RASA3: variants seen among roughly 807,000 people sequenced by gnomAD.
RASA3 encodes the protein RAS p21 protein activator 3, also known as ras GTPase-activating protein 3.
In RASA3, 73 loss-of-function variants were observed where a neutral mutation model predicts 110.0. The observed-to-expected ratio is 0.66, with a 90% CI of 0.55 to 0.81. The LOEUF (loss-of-function observed/expected upper bound fraction) is 0.81. Among genes scored for constraint, RASA3 ranks in the 30% least tolerant of loss-of-function variants. The pLI, the probability that RASA3 is intolerant of heterozygous loss-of-function variation, is 0.00. For missense variants in RASA3, 976 were observed against 1,113.2 expected (o/e 0.88, Z 1.75); for synonymous variants, 500 against 451.4 (o/e 1.11, Z -1.37).
At chr13:114,041,464 G>A (rs950447360) in intron 3 of RASA3, among the ~76,000 whole-genome samples, 5 of 152,390 alleles carry the variant, frequency 3.3e-5, no homozygotes, top group Middle Eastern at 3.4e-3. Flanking sequence ...GTGAAGGCGC[G>A]AACGTCCGCT....
intron 21 of RASA3, 52 bp from the exon 22 acceptor site, chr13:113,992,640 C>CATCG: frequency 3.1e-6 from 4 of 1,284,062 alleles, no homozygotes; most frequent in Non-Finnish European, 4.5e-6. Flanking sequence ...TTAAACGATG[C>CATCG]TTTTAATAAT....
chr13:114,078,579 G>A (rs936486202), intron 1 of RASA3, among the ~76,000 whole-genome samples: 4 of 152,164 alleles, frequency 2.6e-5, no homozygotes, highest in Non-Finnish European at 5.9e-5. Context: ...ACCTCGCATC[G>A]GCTCTGAAAA....
chr13:113,991,325 CAT>C (rs1346196956), intron 22 of RASA3, among the ~76,000 whole-genome samples: 2 of 152,180 alleles, frequency 1.3e-5, no homozygotes, highest in Non-Finnish European at 2.9e-5. Flanking sequence ...AGGCAGGACT[CAT>C]GTGTTTCCAG....
At chr13:114,073,507 C>T (rs2079613014) in intron 2 of RASA3, among the ~76,000 whole-genome samples, 1 of 144,342 alleles carries the variant, frequency 6.9e-6, no homozygotes, top group African/African-American at 2.7e-5. Flanking sequence ...CAGAAAAATT[C>T]CCTACACGCA....
chr13:114,031,678 T>C (rs1312245849), intron 4 of RASA3, among the ~76,000 whole-genome samples: 6 of 152,158 alleles, frequency 3.9e-5, no homozygotes, highest in Non-Finnish European at 8.8e-5. Context: ...TGTGCCGCTG[T>C]CCCTGTATTT....
intron 1 of RASA3, among the ~76,000 whole-genome samples, chr13:114,097,636 TG>T (rs1288782974): frequency 2.6e-5 from 4 of 152,226 alleles, no homozygotes; most frequent in African/African-American, 9.6e-5. Flanking sequence ...AGAACGGAAG[TG>T]CCCGGCCACA....
intron 4 of RASA3, among the ~76,000 whole-genome samples, chr13:114,037,726 G>C (rs1317552310): frequency 6.6e-6 from 1 of 152,224 alleles, no homozygotes; most frequent in Non-Finnish European, 1.5e-5. Context: ...AGAATACACA[G>C]AGAGACACAC....
rs763513988 is a variant in RASA3, at chr13:114,013,174, G to A, written c.1480C>T (p.Pro494Ser). The change falls in exon 15 of 24, where the codon CCC (proline) becomes TCC (serine). Residue 494 changes from proline (P) to serine (S), a missense_variant. Transcript: ENST00000334062. Reference sequence around the variant, plus strand: ...TGCGGCGTGAGCTGGAAGAGGTTGGGGGAGAGAATGGCGGGCGCAAAGAAC... The same window carrying A: ...TGCGGCGTGAGCTGGAAGAGGTTGGAGGAGAGAATGGCGGGCGCAAAGAAC... ...LRFFAPAILSPNLFQLTPHHT... is the reference protein window; with the variant it reads ...LRFFAPAILSSNLFQLTPHHT... The A allele has an allele frequency of 5.0e-6, 8 of 1,613,490 alleles. No individual in the cohort carries two copies. The highest frequency in any genetic ancestry group is 1.1e-5 in the South Asian group (1 of 91,002).
chr13:114,118,913 C>T (rs9525273), intron 1 of RASA3, among the ~76,000 whole-genome samples: 11,068 of 152,318 alleles, frequency 0.073, 504 homozygotes, highest in East Asian at 0.24. Context: ...GTGTGGGTGC[C>T]ACCGTGGGGT....
At chr13:114,075,664 T>G (rs572906051) in intron 1 of RASA3, among the ~76,000 whole-genome samples, 1 of 49,746 alleles carries the variant, frequency 2.0e-5, no homozygotes, top group Non-Finnish European at 3.2e-5. Context: ...GGACGAAGCC[T>G]CCCGTGTCCG....
intron 2 of RASA3, among the ~76,000 whole-genome samples, chr13:114,067,054 GACCTGGGCTGAGGACAGGCCCCCCA>G (rs2079466395): frequency 1.4e-5 from 2 of 145,440 alleles, no homozygotes. Context: ...CTGGCCCCCT[GACCTGGGCTGAGGACAGGCCCCCCA>G]ACCTGGGCTG....
At position 114,121,390 on chromosome 13, in the gene RASA3, A is replaced by T. The variant is rs148106837; in HGVS notation, c.55+11045T>A. On this transcript the variant is annotated intron_variant, in intron 1 of 23. Coordinates refer to ENST00000334062, the MANE Select transcript of RASA3 (RefSeq NM_007368.4). ...AGAAGTTTTAAACTGCATGCAGCCT[A>T]CTCAGCACAGATTGGCCCGTGTCTT... is the stretch of plus-strand genomic sequence containing the variant. Among the ~76,000 whole-genome samples the T allele has an allele frequency of 4.7e-4, 72 of 152,260 alleles. No homozygotes were observed. The East Asian group carries it at 8.9e-3, about 19-fold the overall frequency.
chr13:114,003,463 T>G (rs1022803968), intron 18 of RASA3, among the ~76,000 whole-genome samples: 2 of 152,240 alleles, frequency 1.3e-5, no homozygotes, highest in South Asian at 2.1e-4. Flanking sequence ...AGCTGTGAAT[T>G]TATGAAATGT....
chr13:114,124,123 C>G (rs559261154), intron 1 of RASA3, among the ~76,000 whole-genome samples: 1 of 152,142 alleles, frequency 6.6e-6, no homozygotes, highest in Non-Finnish European at 1.5e-5. Context: ...GCGCTGCAGC[C>G]GTTACTGGCT....
chr13:114,003,957 T>A (rs994104475), intron 18 of RASA3, among the ~76,000 whole-genome samples: 4 of 152,208 alleles, frequency 2.6e-5, no homozygotes, highest in African/African-American at 9.7e-5. Flanking sequence ...CTGCAGAAAG[T>A]AAAAATTGCC....
chr13:114,034,197 C>A (rs1414885145), intron 4 of RASA3, among the ~76,000 whole-genome samples: 2 of 152,226 alleles, frequency 1.3e-5, no homozygotes, highest in South Asian at 4.1e-4. Flanking sequence ...AGTGGCCTGA[C>A]CACCAAAGAC....
At chr13:114,024,726 G>T (rs2053995831) in intron 7 of RASA3, among the ~76,000 whole-genome samples, 2 of 152,244 alleles carry the variant, frequency 1.3e-5, no homozygotes, top group African/African-American at 4.8e-5. Flanking sequence ...CCGTGGAGAC[G>T]AAGCCAGCGC....
chr13:114,109,180 C>T (rs553426960), intron 1 of RASA3, among the ~76,000 whole-genome samples: 5 of 152,324 alleles, frequency 3.3e-5, no homozygotes, highest in African/African-American at 9.6e-5. Flanking sequence ...GCTCCGTGAC[C>T]GTCACAGGAC....
Position 113,996,606 on chromosome 13 carries a change from G to C in RASA3, c.2066C>G (p.Ser689Cys), listed in dbSNP as rs866368220. The C allele has an allele frequency of 6.2e-7, 1 of 1,613,522 alleles. No homozygotes were observed. The highest frequency in any genetic ancestry group is 1.7e-5 in the Admixed American group (1 of 60,004). The change falls in exon 21 of 24, where the codon TCC (serine) becomes TGC (cysteine). Residue 689 changes from serine (S) to cysteine (C), a missense_variant. Ser to Cys is a moderately radical substitution (Grantham distance 112). Transcript: ENST00000334062. ...NQKRLTVYHPSAYLSGHWLCC... is the reference protein window; with the variant it reads ...NQKRLTVYHPCAYLSGHWLCC... Reference sequence around the variant, plus strand: ...CAGCCAGTGGCCGCTCAGGTAGGCGGACGGGTGGTAGACGGTGAGGCGCTT... The same window carrying C: ...CAGCCAGTGGCCGCTCAGGTAGGCGCACGGGTGGTAGACGGTGAGGCGCTT...
Sources: allele counts gnomAD v4.1 joint callset (sites outside exome capture counted in the v4.1 genomes callset), GRCh38; gene constraint gnomAD v4.1.1; transcripts MANE v1.5; gene names NCBI Gene and HGNC (gene_info 2026-07-23, HGNC 2026-07-21).